The following ELMO1 variants were observed in gnomAD, a reference collection of about 807,000 sequenced individuals.
ELMO1 encodes engulfment and cell motility protein 1.
In ELMO1, 26 loss-of-function variants were observed where a neutral mutation model predicts 98.9. That is an observed-to-expected ratio of 0.26 (90% CI 0.19 to 0.36). The LOEUF (loss-of-function observed/expected upper bound fraction) is 0.36. ELMO1 is among the 10% of genes least tolerant of loss of function. The pLI is 1.00. For synonymous variants in ELMO1, 346 were observed against 346.0 expected (o/e 1.00, Z 0.00); for missense variants, 627 against 935.2 (o/e 0.67, Z 4.30).
intron 2 of ELMO1, among the ~76,000 whole-genome samples, chr7:37,317,606 G>A (rs1488629988): frequency 6.6e-6 from 1 of 152,086 alleles, no homozygotes; most frequent in Non-Finnish European, 1.5e-5. Context: ...ATTTATTTGT[G>A]GGATCGAAAA....
At chr7:37,149,940 A>G (rs907941915) in intron 13 of ELMO1, among the ~76,000 whole-genome samples, 1 of 152,190 alleles carries the variant, frequency 6.6e-6, no homozygotes, top group African/African-American at 2.4e-5. Context: ...CTCACTCAAC[A>G]AATTATCTGT....
At chr7:37,186,756 G>A (rs1791233093) in intron 13 of ELMO1, among the ~76,000 whole-genome samples, 1 of 152,146 alleles carries the variant, frequency 6.6e-6, no homozygotes, top group East Asian at 1.9e-4. Flanking sequence ...ATACCACAAT[G>A]AGATACCACT....
At chr7:37,398,075 T>C (rs1430628863) in intron 1 of ELMO1, among the ~76,000 whole-genome samples, 1 of 152,204 alleles carries the variant, frequency 6.6e-6, no homozygotes, top group Non-Finnish European at 1.5e-5. Context: ...ACCTAGGTGA[T>C]GGGTTGATAG....
chr7:37,393,444 A>G (rs1803166684), intron 1 of ELMO1, among the ~76,000 whole-genome samples: 2 of 152,332 alleles, frequency 1.3e-5, no homozygotes, highest in Middle Eastern at 3.4e-3. Flanking sequence ...AAATGTCCCA[A>G]TAATAGTACT....
chr7:37,285,548 G>C (rs1372940211), intron 4 of ELMO1, among the ~76,000 whole-genome samples: 1 of 152,168 alleles, frequency 6.6e-6, no homozygotes, highest in Non-Finnish European at 1.5e-5. Flanking sequence ...CTGTATTGTG[G>C]TGACAAAAGC....
At chr7:37,352,482 A>G (rs1583611910) in intron 1 of ELMO1, among the ~76,000 whole-genome samples, 1 of 152,356 alleles carries the variant, frequency 6.6e-6, no homozygotes, top group African/African-American at 2.4e-5. Flanking sequence ...TGAAATGTCC[A>G]TATGCAATCT....
chr7:37,011,815 TG>T (rs1391069344), intron 16 of ELMO1, among the ~76,000 whole-genome samples: 1 of 152,228 alleles, frequency 6.6e-6, no homozygotes, highest in African/African-American at 2.4e-5. Flanking sequence ...TTCTCTTTTT[TG>T]GTTTGATTGA....
chr7:37,278,366 G>T (rs1402714977), intron 4 of ELMO1, among the ~76,000 whole-genome samples: 2 of 151,984 alleles, frequency 1.3e-5, no homozygotes, highest in African/African-American at 2.4e-5. Flanking sequence ...TTGTTTAGCT[G>T]GGCATAGTGG....
At chr7:37,317,862 C>T (rs768022442) in intron 2 of ELMO1, among the ~76,000 whole-genome samples, 29 of 152,112 alleles carry the variant, frequency 1.9e-4, no homozygotes, top group Non-Finnish European at 3.5e-4. Flanking sequence ...AAATGCTTGA[C>T]GGGATAGATA....
intron 16 of ELMO1, among the ~76,000 whole-genome samples, chr7:36,960,414 T>G (rs1291956838): frequency 6.6e-6 from 1 of 152,134 alleles, no homozygotes; most frequent in African/African-American, 2.4e-5. Flanking sequence ...TTATTTTATT[T>G]TTTGCCTTGC....
intron 15 of ELMO1, among the ~76,000 whole-genome samples, chr7:37,092,583 G>C (rs1376778603): frequency 6.7e-6 from 1 of 148,286 alleles, no homozygotes; most frequent in Non-Finnish European, 1.5e-5. Context: ...CACCGTGTTA[G>C]ACAGGACGGT....
chr7:37,072,392 T>C (rs1463843824), intron 15 of ELMO1, among the ~76,000 whole-genome samples: 3 of 152,188 alleles, frequency 2.0e-5, no homozygotes, highest in African/African-American at 7.2e-5. Context: ...CAAGCTCTCT[T>C]TGCCTGCTGC....
intron 16 of ELMO1, among the ~76,000 whole-genome samples, chr7:36,937,491 T>C (rs931699906): frequency 6.6e-6 from 1 of 152,240 alleles, no homozygotes; most frequent in Non-Finnish European, 1.5e-5. Context: ...AACTTTCTCA[T>C]AGCCTCCAAA....
intron 1 of ELMO1, among the ~76,000 whole-genome samples, chr7:37,442,878 C>T (rs535210537): frequency 1.3e-5 from 2 of 152,342 alleles, no homozygotes; most frequent in Non-Finnish European, 2.9e-5. Flanking sequence ...AAAGAAGGAA[C>T]TAACCAGTGC....
At chr7:37,122,966 T>A (rs1275731474) in intron 14 of ELMO1, among the ~76,000 whole-genome samples, 1 of 152,144 alleles carries the variant, frequency 6.6e-6, no homozygotes, top group Non-Finnish European at 1.5e-5. Context: ...AAACTGGAAC[T>A]CAGGATTAAG....
At chr7:37,302,709 C>T (rs1409560612) in intron 4 of ELMO1, among the ~76,000 whole-genome samples, 1 of 152,126 alleles carries the variant, frequency 6.6e-6, no homozygotes, top group Non-Finnish European at 1.5e-5. Flanking sequence ...TGTCCAAATC[C>T]TGGCCTGGAG....
intron 4 of ELMO1, among the ~76,000 whole-genome samples, chr7:37,283,312 T>A (rs1797233274): frequency 6.6e-6 from 1 of 152,210 alleles, no homozygotes; most frequent in Non-Finnish European, 1.5e-5. Flanking sequence ...AAAAAAAGAT[T>A]AAATTTAATT....
intron 13 of ELMO1, among the ~76,000 whole-genome samples, chr7:37,168,158 C>T (rs186219674): frequency 2.1e-3 from 325 of 152,276 alleles, no homozygotes; most frequent in African/African-American, 7.6e-3. Context: ...GCATTCTTCA[C>T]GTAGTTCTCA....
chr7:36,940,017 C>T (rs1367700614), intron 16 of ELMO1, among the ~76,000 whole-genome samples: 1 of 152,262 alleles, frequency 6.6e-6, no homozygotes. Context: ...TGGCAATTGA[C>T]AGGATTTTGG....
Sources: allele counts gnomAD v4.1 joint callset (sites outside exome capture counted in the v4.1 genomes callset), GRCh38; gene constraint gnomAD v4.1.1; transcripts MANE v1.5; gene names NCBI Gene and HGNC (gene_info 2026-07-23, HGNC 2026-07-21).